Variants in NLGN1 observed in about 807,000 individuals in gnomAD.
The protein encoded by NLGN1 is neuroligin-1.
A neutral mutation model predicts 65.5 loss-of-function variants in NLGN1; 12 were observed. That is an observed-to-expected ratio of 0.18 (90% confidence interval 0.12 to 0.30). NLGN1 has a LOEUF of 0.30. Among genes scored for constraint, NLGN1 ranks in the 10% least tolerant of loss-of-function variants. NLGN1 has a pLI of 1.00. For synonymous variants in NLGN1, 350 were observed against 359.5 expected (o/e 0.97, Z 0.30); for missense variants, 750 against 1,007.1 (o/e 0.74, Z 3.46).
chr3:173,539,681 T>TATATGTATATGTGTACATATATA (rs1402914096), intron 2 of NLGN1, among the ~76,000 whole-genome samples: 1 of 98,824 alleles, frequency 1.0e-5, no homozygotes, highest in Admixed American at 9.6e-5. Context: ...ATATATAACA[T>TATATGTATATGTGTACATATATA]ACATATATGT....
chr3:174,154,113 T>C (rs1398633269), intron 4 of NLGN1, among the ~76,000 whole-genome samples: 7 of 152,040 alleles, frequency 4.6e-5, no homozygotes, highest in African/African-American at 1.7e-4. Context: ...ATTAGGTTAT[T>C]ATGGAATCAG....
rs558908113 is a variant in NLGN1, at chr3:173,754,740, T to C, written c.494-52940T>C. Among the ~76,000 whole-genome samples, 5 of 152,290 alleles carry C rather than the reference T, an allele frequency of 3.3e-5. No homozygotes were observed. The South Asian group carries it at 1.0e-3, about 32-fold the overall frequency. On this transcript the variant is annotated intron_variant, in intron 3 of 6. Transcript: ENST00000457714. ...ACATTGTCCAAGTTTTAACCTAAGATAGTACTGAATCTTCTTAAAGATCTG... is the reference window on the plus strand; with the variant it reads ...ACATTGTCCAAGTTTTAACCTAAGACAGTACTGAATCTTCTTAAAGATCTG...
chr3:173,639,471 G>A (rs1286902167), intron 3 of NLGN1, among the ~76,000 whole-genome samples: 1 of 152,202 alleles, frequency 6.6e-6, no homozygotes, highest in Admixed American at 6.5e-5. Flanking sequence ...AAAACTGATA[G>A]GGATAAGGTT....
At chr3:174,272,820 A>C (rs1749720984) in intron 4 of NLGN1, among the ~76,000 whole-genome samples, 1 of 151,640 alleles carries the variant, frequency 6.6e-6, no homozygotes, top group Non-Finnish European at 1.5e-5. Flanking sequence ...TTGACTGAGT[A>C]ATCTTGGACG....
chr3:174,033,130 A>T (rs1345917208), intron 4 of NLGN1, among the ~76,000 whole-genome samples: 1 of 152,006 alleles, frequency 6.6e-6, no homozygotes, highest in African/African-American at 2.4e-5. Flanking sequence ...CTTCTCCCCC[A>T]CACTGTACCA....
At chr3:173,570,807 G>A (rs546166608) in intron 2 of NLGN1, among the ~76,000 whole-genome samples, 4 of 152,304 alleles carry the variant, frequency 2.6e-5, no homozygotes, top group South Asian at 4.1e-4. Flanking sequence ...AGGTTCAAGC[G>A]ATTCTTGTAA....
chr3:173,421,357 A>G (rs537006987), intron 1 of NLGN1, among the ~76,000 whole-genome samples: 1 of 152,054 alleles, frequency 6.6e-6, no homozygotes, highest in Non-Finnish European at 1.5e-5. Flanking sequence ...TTTTTTACAA[A>G]TAAGGATATT....
intron 3 of NLGN1, among the ~76,000 whole-genome samples, chr3:173,633,844 G>A (rs555327499): frequency 2.0e-5 from 3 of 152,136 alleles, no homozygotes; most frequent in Non-Finnish European, 4.4e-5. Flanking sequence ...AGAATATATC[G>A]AACTGGATCT....
rs190406583 is a variant in NLGN1, at chr3:173,432,476, A to C, written c.-389-2534A>C. On this transcript the variant is annotated intron_variant, in intron 1 of 6. Transcript: ENST00000457714. Reference sequence around the variant, plus strand: ...TTTTAAGTTGCATTTCTCTAATGACATAGGATGTGGAGCATCTTTTTCTGT... The same window carrying C: ...TTTTAAGTTGCATTTCTCTAATGACCTAGGATGTGGAGCATCTTTTTCTGT... 9.7e-4 allele frequency among the ~76,000 whole-genome samples: 146 copies of C among 150,580 alleles called. 3 individuals are homozygous for C. Among genetic ancestry groups the C allele is most frequent in the African/African-American group, 3.5e-3 (140 of 39,946 alleles).
intron 3 of NLGN1, among the ~76,000 whole-genome samples, chr3:173,650,382 A>G (rs965073366): frequency 2.0e-5 from 3 of 152,188 alleles, no homozygotes; most frequent in Non-Finnish European, 4.4e-5. Flanking sequence ...GTTTATTTTT[A>G]GGGGAAATTC....
At chr3:173,562,121 G>A (rs572239244) in intron 2 of NLGN1, among the ~76,000 whole-genome samples, 1 of 152,168 alleles carries the variant, frequency 6.6e-6, no homozygotes, top group South Asian at 2.1e-4. Context: ...CCATTGAAAG[G>A]CATGTTCAAG....
At chr3:173,967,836 A>G (rs1026524749) in intron 4 of NLGN1, among the ~76,000 whole-genome samples, 4 of 152,172 alleles carry the variant, frequency 2.6e-5, no homozygotes, top group Admixed American at 2.0e-4. Context: ...ATTTCTTTAT[A>G]TATTTCATTT....
intron 4 of NLGN1, among the ~76,000 whole-genome samples, chr3:173,964,727 G>A (rs1714409731): frequency 6.6e-6 from 1 of 152,178 alleles, no homozygotes; most frequent in Non-Finnish European, 1.5e-5. Flanking sequence ...AATGGTAGAT[G>A]TATGGCAGTT....
chr3:174,174,310 A>C (rs1007127062), intron 4 of NLGN1, among the ~76,000 whole-genome samples: 2 of 151,924 alleles, frequency 1.3e-5, no homozygotes, highest in African/African-American at 4.8e-5. Context: ...TTTTTATATA[A>C]TGACTCTCTT....
At chr3:173,630,017 T>C (rs574201077) in intron 3 of NLGN1, among the ~76,000 whole-genome samples, 1 of 152,260 alleles carries the variant, frequency 6.6e-6, no homozygotes, top group African/African-American at 2.4e-5. Flanking sequence ...TTTTCTATTT[T>C]ACAGACAAAG....
At chr3:173,411,215 T>C (rs1267880809) in intron 1 of NLGN1, among the ~76,000 whole-genome samples, 2 of 152,248 alleles carry the variant, frequency 1.3e-5, no homozygotes, top group Non-Finnish European at 2.9e-5. Context: ...TCATTGGGAC[T>C]GTACACTGTG....
At chr3:173,870,417 A>G (rs1263177804) in intron 4 of NLGN1, among the ~76,000 whole-genome samples, 1 of 152,164 alleles carries the variant, frequency 6.6e-6, no homozygotes, top group Non-Finnish European at 1.5e-5. Context: ...CAGCCTGGGA[A>G]ATTAAAAAGA....
At chr3:173,974,951 A>G (rs528555555) in intron 4 of NLGN1, among the ~76,000 whole-genome samples, 2 of 152,176 alleles carry the variant, frequency 1.3e-5, no homozygotes, top group South Asian at 4.1e-4. Context: ...CTTTTCTCAC[A>G]TGCCACCCTG....
At chr3:174,098,224 C>T (rs907444745) in intron 4 of NLGN1, among the ~76,000 whole-genome samples, 41 of 152,240 alleles carry the variant, frequency 2.7e-4, no homozygotes, top group African/African-American at 8.2e-4. Flanking sequence ...ATTTGCCTCC[C>T]GAACATTTTT....
Sources: gnomAD v4.1 joint callset for allele counts (sites outside exome capture counted in the v4.1 genomes callset) on GRCh38, gnomAD v4.1.1 for gene constraint, MANE v1.5 for transcripts, NCBI Gene and HGNC (gene_info 2026-07-23, HGNC 2026-07-21) for gene names.